The following GNAS-AS1 variants were observed in gnomAD, a reference collection of about 807,000 sequenced individuals.
GNAS-AS1 encodes GNAS antisense RNA 1 (non-protein coding).
chr20:58,842,012 A>C (rs2085751329), exon 4 of GNAS-AS1: 1 of 847,364 alleles, frequency 1.2e-6, no homozygotes, highest in Non-Finnish European at 1.6e-6. Context: ...TTGGACGATC[A>C]GTCGTCGAAA....
chr20:58,836,954 T>A (rs747290551), intron 4 of GNAS-AS1, among the ~76,000 whole-genome samples: 4 of 152,230 alleles, frequency 2.6e-5, no homozygotes, highest in Non-Finnish European at 5.9e-5. Context: ...ATATGTATTA[T>A]GTAATGCACA....
At position 58,840,299 on chromosome 20, in the gene GNAS-AS1, CT is replaced by C; in HGVS notation, n.819+1637del. On this transcript the variant is annotated intron_variant and non_coding_transcript_variant, in intron 4 of 4. Transcript: ENST00000424094. The surrounding 1 kb of genome is among the most constrained non-coding windows in gnomAD (Gnocchi z 6.0). ...GGCTGCCCAACAGCGCCGGAGCTTC[CT>C]TAACGCCCACCACCGCTCCGGCGCC... 2.5e-6 allele frequency: 4 copies of C among 1,612,714 alleles called. No homozygotes were observed. Among genetic ancestry groups the C allele is most frequent in the Non-Finnish European group, 3.4e-6 (4 of 1,179,956 alleles).
intron 4 of GNAS-AS1, among the ~76,000 whole-genome samples, chr20:58,830,519 CCACACCACCATCATACCATCAG>C (rs2085557679): frequency 5.9e-5 from 1 of 16,922 alleles, no homozygotes; most frequent in Non-Finnish European, 1.3e-4. Flanking sequence ...ATCATCACCA[CCACACCACCATCATACCATCAG>C]CACCACCATC....
chr20:58,844,181 T>G (rs2085851637), intron 2 of GNAS-AS1: 1 of 152,214 alleles, frequency 6.6e-6, no homozygotes, highest in African/African-American at 2.4e-5. Flanking sequence ...GAGAGGAAAC[T>G]GAGCAGAAAC....
At chr20:58,850,848 C>T (rs1028658417) in exon 1 of GNAS-AS1, 15 of 398,716 alleles carry the variant, frequency 3.8e-5, no homozygotes, top group African/African-American at 2.9e-4. Flanking sequence ...CGCCCCCCAC[C>T]GGCTTCCAAC....
At chr20:58,828,568 CG>C (rs1216636087) in intron 4 of GNAS-AS1, among the ~76,000 whole-genome samples, 1 of 152,210 alleles carries the variant, frequency 6.6e-6, no homozygotes, top group African/African-American at 2.4e-5. Context: ...GGCTGAGACT[CG>C]ATCTCTCCAG....
At chr20:58,850,103 G>A (rs1211983669) in intron 1 of GNAS-AS1, among the ~76,000 whole-genome samples, 1 of 152,056 alleles carries the variant, frequency 6.6e-6, no homozygotes, top group Non-Finnish European at 1.5e-5. Flanking sequence ...TCCTTTGTTC[G>A]TGGTGGGCAA....
At position 58,840,553 on chromosome 20, in the gene GNAS-AS1, GC is replaced by G. The variant is rs2085678398; in HGVS notation, n.819+1383del. On this transcript the variant is annotated intron_variant and non_coding_transcript_variant, in intron 4 of 4. Transcript: ENST00000424094. This position sits in a 1 kb window ranked among gnomAD's most constrained non-coding sequence, Gnocchi z 6.0. ...CTGAAGACGATCGCGGCCCGGTGGTGCCCAAGCACTCCACCTTCGGCCAGTC... is the reference window on the plus strand; with the variant it reads ...CTGAAGACGATCGCGGCCCGGTGGTGCCAAGCACTCCACCTTCGGCCAGTC... The G allele has an allele frequency of 1.2e-6, 2 of 1,613,152 alleles. No individual in the cohort carries two copies. Among genetic ancestry groups the G allele is most frequent in the Non-Finnish European group, 1.7e-6 (2 of 1,179,954 alleles).
intron 4 of GNAS-AS1, among the ~76,000 whole-genome samples, chr20:58,821,429 G>A (rs775972427): frequency 4.6e-5 from 7 of 152,314 alleles, no homozygotes; most frequent in Middle Eastern, 3.4e-3. Context: ...GTTCAAATCC[G>A]GACTCCACGA....
rs770140447 is a variant in GNAS-AS1, at chr20:58,840,468, C to T, written n.819+1469G>A. ...AGCGAGACCGAGTCCGAAATCGAGT[C>T]CGAGACCGACTTCGAGACCGAGCCT... On this transcript the variant is annotated intron_variant and non_coding_transcript_variant, in intron 4 of 4. Transcript: ENST00000424094. This position sits in a 1 kb window ranked among gnomAD's most constrained non-coding sequence, Gnocchi z 6.0. The T allele has an allele frequency of 3.1e-6, 5 of 1,613,452 alleles. No individual in the cohort carries two copies. The highest frequency in any genetic ancestry group is 4.2e-6 in the Non-Finnish European group (5 of 1,179,816).
In GNAS-AS1 at chr20:58,840,211, C is replaced by T; in HGVS notation, n.819+1726G>A. The T allele has an allele frequency of 6.2e-7, 1 of 1,611,302 alleles. No homozygotes were observed. The highest frequency in any genetic ancestry group is 1.1e-5 in the South Asian group (1 of 91,066). On this transcript the variant is annotated intron_variant and non_coding_transcript_variant, in intron 4 of 4. Coordinates refer to ENST00000424094, the Ensembl canonical transcript of GNAS-AS1. This position sits in a 1 kb window ranked among gnomAD's most constrained non-coding sequence, Gnocchi z 6.0. The stretch of plus-strand genomic sequence containing the variant: ...GGGCAGCCACCGCGCTCCTCTGGCT[C>T]TCCTGCTCCATCGCGCTCCTCCGCG...
At chr20:58,825,346 T>G (rs1313683733) in intron 4 of GNAS-AS1, among the ~76,000 whole-genome samples, 2 of 152,180 alleles carry the variant, frequency 1.3e-5, no homozygotes, top group Non-Finnish European at 2.9e-5. Context: ...AGAGTCCAGA[T>G]GAGCATTTCT....
chr20:58,845,346 C>A (rs6026557), intron 2 of GNAS-AS1, among the ~76,000 whole-genome samples: 86,199 of 151,918 alleles, frequency 0.57, 25,231 homozygotes, highest in East Asian at 0.8. Flanking sequence ...CTCCCCTCTT[C>A]GCTTCTTCAG....
chr20:58,847,386 C>T (rs561017343), intron 2 of GNAS-AS1, among the ~76,000 whole-genome samples: 2 of 152,338 alleles, frequency 1.3e-5, no homozygotes, highest in African/African-American at 2.4e-5. Context: ...GCTGCCTCCA[C>T]CGGCCAAGGC....
intron 4 of GNAS-AS1, chr20:58,836,367 C>G (rs1018012381): frequency 6.6e-6 from 1 of 152,202 alleles, no homozygotes; most frequent in African/African-American, 2.4e-5. Flanking sequence ...TAATTTTGCC[C>G]TCTAGAGCCA....
Position 58,840,531 on chromosome 20 carries a change from AAGACG to A in GNAS-AS1, n.819+1401_819+1405del. 6.2e-7 allele frequency: 1 copy of A among 1,613,512 alleles called. No individual in the cohort carries two copies. On this transcript the variant is annotated intron_variant and non_coding_transcript_variant, in intron 4 of 4. Coordinates refer to ENST00000424094, the Ensembl canonical transcript of GNAS-AS1. This position sits in a 1 kb window ranked among gnomAD's most constrained non-coding sequence, Gnocchi z 6.0. Reference sequence around the variant, plus strand: ...ACCACTGAGCCCGAGACCGAGCCTGAAGACGATCGCGGCCCGGTGGTGCCCAAGCA... The same window carrying A: ...ACCACTGAGCCCGAGACCGAGCCTGAATCGCGGCCCGGTGGTGCCCAAGCA...
At chr20:58,822,776 A>G (rs949758670) in intron 4 of GNAS-AS1, among the ~76,000 whole-genome samples, 2 of 151,802 alleles carry the variant, frequency 1.3e-5, no homozygotes, top group Admixed American at 1.3e-4. Flanking sequence ...TTGGCAGATA[A>G]ATAAGTCGCC....
intron 4 of GNAS-AS1, chr20:58,839,862 CT>C: frequency 5.0e-6 from 3 of 597,010 alleles, no homozygotes; most frequent in East Asian, 5.5e-5. Flanking sequence ...GAACTTTCCC[CT>C]TTTTTCCCAT....
Position 58,841,148 on chromosome 20 carries a change from G to A in GNAS-AS1, n.819+789C>T, listed in dbSNP as rs910402426. Among the ~76,000 whole-genome samples the A allele has an allele frequency of 6.6e-6, 1 of 152,122 alleles. No individual in the cohort carries two copies. The highest frequency in any genetic ancestry group is 1.5e-5 in the Non-Finnish European group (1 of 68,020). On this transcript the variant is annotated intron_variant and non_coding_transcript_variant, in intron 4 of 4. Transcript: ENST00000424094. This position sits in a 1 kb window ranked among gnomAD's most constrained non-coding sequence, Gnocchi z 5.0. ...CCGCTGGAGACAACCTGAGGTCTCC[G>A]AGCTGGTGCCCCGGCTACGCGACTG...
Sources: gnomAD v4.1 joint callset for allele counts (sites outside exome capture counted in the v4.1 genomes callset) on GRCh38, gnomAD v4.1.1 for gene constraint, Gnocchi (gnomAD v3.1) non-coding constraint, MANE v1.5 for transcripts, NCBI Gene and HGNC (gene_info 2026-07-23, HGNC 2026-07-21) for gene names.